ADGRL3: variants seen among roughly 807,000 people sequenced by gnomAD.
ADGRL3 encodes the protein calcium-independent alpha-latrotoxin receptor 3.
Under a neutral mutation model 153.5 loss-of-function variants are expected in ADGRL3, and 62 were observed. That is an observed-to-expected ratio of 0.40 (90% CI 0.33 to 0.50). The LOEUF (loss-of-function observed/expected upper bound fraction) is 0.50, where lower values mean the gene tolerates loss of function less well. ADGRL3 is among the 20% of genes least tolerant of loss of function. The pLI, the probability that ADGRL3 is intolerant of heterozygous loss-of-function variation, is 0.47. For missense variants in ADGRL3, 1,641 were observed against 1,859.4 expected (o/e 0.88, Z 2.16); for synonymous variants, 710 against 672.5 (o/e 1.06, Z -0.86).
intron 5 of ADGRL3, among the ~76,000 whole-genome samples, chr4:61,627,557 G>T (rs1436284696): frequency 6.6e-6 from 1 of 152,106 alleles, no homozygotes; most frequent in Non-Finnish European, 1.5e-5. Context: ...GGAGGCGGAG[G>T]TTGCAGTGCG....
intron 17 of ADGRL3, among the ~76,000 whole-genome samples, chr4:61,952,221 A>G (rs941706072): frequency 1.3e-5 from 2 of 152,236 alleles, no homozygotes; most frequent in African/African-American, 2.4e-5. Flanking sequence ...TACAGCCTGT[A>G]ATCTCAGCAC....
chr4:61,519,421 TG>T (rs1261809518), intron 4 of ADGRL3, among the ~76,000 whole-genome samples: 2 of 152,192 alleles, frequency 1.3e-5, no homozygotes, highest in African/African-American at 4.8e-5. Context: ...ATATTTTTAA[TG>T]GAGACTGAGG....
chr4:61,424,560 C>T (rs766142860), intron 2 of ADGRL3, among the ~76,000 whole-genome samples: 3 of 152,190 alleles, frequency 2.0e-5, no homozygotes, highest in Middle Eastern at 3.2e-3. Context: ...ACTGCTTCAA[C>T]CTCCTGTGCC....
chr4:61,440,799 G>A (rs1470802757), intron 2 of ADGRL3, among the ~76,000 whole-genome samples: 1 of 152,088 alleles, frequency 6.6e-6, no homozygotes, highest in African/African-American at 2.4e-5. Context: ...AGTAGTAATG[G>A]TGGTAATGAT....
intron 17 of ADGRL3, among the ~76,000 whole-genome samples, chr4:61,954,276 A>G (rs1297063723): frequency 6.6e-6 from 1 of 151,918 alleles, no homozygotes; most frequent in Non-Finnish European, 1.5e-5. Context: ...TCCCATCAGC[A>G]TCTCCTGCCA....
At chr4:61,568,896 T>C (rs996791815) in intron 4 of ADGRL3, among the ~76,000 whole-genome samples, 1 of 152,174 alleles carries the variant, frequency 6.6e-6, no homozygotes, top group East Asian at 1.9e-4. Context: ...TCTTGCCTTT[T>C]CTAGAACAGT....
chr4:61,578,561 C>A (rs1040801960), intron 4 of ADGRL3, among the ~76,000 whole-genome samples: 14 of 151,912 alleles, frequency 9.2e-5, no homozygotes, highest in African/African-American at 3.4e-4. Context: ...ATTGCTTTAA[C>A]TAATTTGAGC....
intron 11 of ADGRL3, among the ~76,000 whole-genome samples, chr4:61,896,478 C>T (rs928627295): frequency 6.6e-6 from 1 of 152,074 alleles, no homozygotes; most frequent in Non-Finnish European, 1.5e-5. Context: ...CCTTCTATGG[C>T]ACATTAGCTA....
chr4:61,237,756 T>C (rs1457399634), intron 1 of ADGRL3, among the ~76,000 whole-genome samples: 1 of 152,162 alleles, frequency 6.6e-6, no homozygotes, highest in African/African-American at 2.4e-5. Context: ...ATTTTGAAAA[T>C]CTGGTAGGTA....
intron 5 of ADGRL3, among the ~76,000 whole-genome samples, chr4:61,660,269 A>G (rs1323906935): frequency 6.6e-6 from 1 of 152,190 alleles, no homozygotes; most frequent in Non-Finnish European, 1.5e-5. Context: ...ACTTTGATGT[A>G]AGGAGGTAAA....
chr4:61,887,489 A>C (rs533110704), intron 9 of ADGRL3, among the ~76,000 whole-genome samples: 5 of 152,194 alleles, frequency 3.3e-5, no homozygotes, highest in African/African-American at 9.7e-5. Flanking sequence ...CTAGGAATAT[A>C]TAGTAATAAT....
At chr4:61,427,308 A>G (rs1450300528) in intron 2 of ADGRL3, 2 of 152,658 alleles carry the variant, frequency 1.3e-5, no homozygotes, top group Non-Finnish European at 2.9e-5. Context: ...ATACCATTCT[A>G]TGACAGCCAT....
At chr4:61,759,799 G>C (rs552775307) in intron 8 of ADGRL3, among the ~76,000 whole-genome samples, 4 of 152,230 alleles carry the variant, frequency 2.6e-5, no homozygotes, top group East Asian at 3.9e-4. Context: ...CATCTTTGTG[G>C]TTTTATCTAC....
intron 2 of ADGRL3, among the ~76,000 whole-genome samples, chr4:61,476,133 A>C (rs1303959450): frequency 6.6e-6 from 1 of 152,186 alleles, no homozygotes; most frequent in African/African-American, 2.4e-5. Flanking sequence ...TGCCTTTCTC[A>C]ATTAATTATT....
Position 61,306,669 on chromosome 4 carries a change from T to C in ADGRL3, c.-239-76455T>C, listed in dbSNP as rs79603932. 7.2e-5 allele frequency among the ~76,000 whole-genome samples: 11 copies of C among 152,202 alleles called. No individual in the cohort carries two copies. In the East Asian group the frequency reaches 2.1e-3, roughly 29 times the overall value. ...AGGATTAGCCTGTGCTTTAAAAAAC[T>C]GAGACACAATTAATAGAAAATAATA... On this transcript the variant is annotated intron_variant, in intron 1 of 26. Coordinates refer to ENST00000683033, the MANE Select transcript of ADGRL3 (RefSeq NM_001387552.1).
intron 1 of ADGRL3, among the ~76,000 whole-genome samples, chr4:61,372,093 G>A (rs2096539032): frequency 6.6e-6 from 1 of 151,890 alleles, no homozygotes. Flanking sequence ...GCTCCTTTAA[G>A]CACTTCTCTG....
intron 1 of ADGRL3, among the ~76,000 whole-genome samples, chr4:61,309,043 C>T (rs565372120): frequency 1.3e-5 from 2 of 152,092 alleles, no homozygotes; most frequent in Non-Finnish European, 2.9e-5. Flanking sequence ...GAATTACCTT[C>T]GCATTATATG....
chr4:61,822,358 A>T (rs1242895699), intron 9 of ADGRL3, among the ~76,000 whole-genome samples: 1 of 151,212 alleles, frequency 6.6e-6, no homozygotes, highest in Non-Finnish European at 1.5e-5. Flanking sequence ...ACACAGAAAA[A>T]TATATTTCAT....
chr4:61,516,839 C>A (rs569421271), intron 3 of ADGRL3, among the ~76,000 whole-genome samples: 2 of 151,994 alleles, frequency 1.3e-5, no homozygotes, highest in Non-Finnish European at 2.9e-5. Context: ...AATAAACAAA[C>A]AAAAGACACC....
Sources: gnomAD v4.1 joint callset for allele counts (sites outside exome capture counted in the v4.1 genomes callset) on GRCh38, gnomAD v4.1.1 for gene constraint, MANE v1.5 for transcripts, NCBI Gene and HGNC (gene_info 2026-07-23, HGNC 2026-07-21) for gene names.